CTNNBL1: variants seen among roughly 807,000 people sequenced by gnomAD.
CTNNBL1 encodes catenin beta like 1.
A neutral mutation model predicts 72.7 loss-of-function variants in CTNNBL1; 31 were observed. The observed-to-expected ratio is 0.43, with a 90% CI of 0.32 to 0.58. CTNNBL1 has a LOEUF of 0.58. Ranked by LOEUF, CTNNBL1 falls within the 20% of genes least tolerant of loss-of-function variation. CTNNBL1 has a pLI of 0.08. For missense variants in CTNNBL1, 534 were observed against 725.1 expected, an observed-to-expected ratio of 0.74 and a Z score of 3.03; for synonymous variants, 240 against 267.3, an observed-to-expected ratio of 0.90 and a Z score of 1.00.
At chr20:37,858,876 C>T (rs967930566) in intron 13 of CTNNBL1, among the ~76,000 whole-genome samples, 1 of 151,786 alleles carries the variant, frequency 6.6e-6, no homozygotes, top group African/African-American at 2.4e-5. Context: ...TGCAGCATGC[C>T]CTCTGACAAA....
At chr20:37,719,815 G>A (rs550367817) in intron 1 of CTNNBL1, among the ~76,000 whole-genome samples, 1 of 150,216 alleles carries the variant, frequency 6.7e-6, no homozygotes, top group Non-Finnish European at 1.5e-5. Context: ...TATACAACTT[G>A]TTTTTCTTTT....
At chr20:37,797,135 C>T (rs1205094187) in intron 10 of CTNNBL1, among the ~76,000 whole-genome samples, 3 of 151,970 alleles carry the variant, frequency 2.0e-5, no homozygotes, top group African/African-American at 7.3e-5. Flanking sequence ...TTTCTTTTTC[C>T]ACCCACCCCA....
chr20:37,746,383 G>A (rs1393028511), intron 3 of CTNNBL1, 85 bp from the exon 4 acceptor site: 4 of 1,444,934 alleles, frequency 2.8e-6, no homozygotes, highest in African/African-American at 2.8e-5. Context: ...TTGACAGATT[G>A]CCTTGTTGTC....
intron 5 of CTNNBL1, among the ~76,000 whole-genome samples, chr20:37,758,001 A>G (rs1352655356): frequency 6.6e-6 from 1 of 152,228 alleles, no homozygotes; most frequent in East Asian, 1.9e-4. Flanking sequence ...ATGGTCACAC[A>G]GCCAGGATTT....
intron 15 of CTNNBL1, among the ~76,000 whole-genome samples, chr20:37,863,195 C>T (rs987759232): frequency 4.6e-5 from 7 of 152,268 alleles, no homozygotes; most frequent in East Asian, 1.9e-4. Flanking sequence ...AGGTGTCACA[C>T]GGCAGCTGCC....
intron 11 of CTNNBL1, among the ~76,000 whole-genome samples, chr20:37,809,613 T>C (rs2071991706): frequency 6.6e-6 from 1 of 152,226 alleles, no homozygotes; most frequent in African/African-American, 2.4e-5. Context: ...GCCATTGTTA[T>C]TTGTTGTCCT....
chr20:37,743,876 CTTCT>C (rs2073239509), intron 3 of CTNNBL1, among the ~76,000 whole-genome samples: 1 of 151,838 alleles, frequency 6.6e-6, no homozygotes, highest in African/African-American at 2.4e-5. Flanking sequence ...TAAAATATAT[CTTCT>C]TTTAGCACAG....
chr20:37,841,103 G>A (rs2072300495), intron 12 of CTNNBL1, among the ~76,000 whole-genome samples: 1 of 152,230 alleles, frequency 6.6e-6, no homozygotes, highest in African/African-American at 2.4e-5. Context: ...TTTCATCGTT[G>A]CATATATTGT....
At chr20:37,718,033 C>T (rs562744549) in intron 1 of CTNNBL1, among the ~76,000 whole-genome samples, 54 of 152,302 alleles carry the variant, frequency 3.5e-4, no homozygotes, top group African/African-American at 1.3e-3. Context: ...AGCAACCATC[C>T]GATTTCTCAA....
At chr20:37,709,685 G>A (rs2072920926) in intron 1 of CTNNBL1, among the ~76,000 whole-genome samples, 1 of 152,194 alleles carries the variant, frequency 6.6e-6, no homozygotes, top group Admixed American at 6.5e-5. Flanking sequence ...AGGGAAGGTA[G>A]AGATGCCGAA....
At chr20:37,818,000 G>A (rs1187716117) in intron 11 of CTNNBL1, among the ~76,000 whole-genome samples, 1 of 152,188 alleles carries the variant, frequency 6.6e-6, no homozygotes, top group African/African-American at 2.4e-5. Context: ...AATGAGCTCA[G>A]GATTAAGCTT....
At chr20:37,754,267 G>GTATT (rs1208039357) in intron 4 of CTNNBL1, among the ~76,000 whole-genome samples, 2 of 141,022 alleles carry the variant, frequency 1.4e-5, no homozygotes, top group Non-Finnish European at 3.1e-5. Context: ...TCTTATTTAT[G>GTATT]TATTTATTTA....
chr20:37,840,210 G>C lies in CTNNBL1; in HGVS notation c.1311+11G>C. The C allele has an allele frequency of 1.3e-6, 2 of 1,590,532 alleles. No homozygotes were observed. The highest frequency in any genetic ancestry group is 1.7e-6 in the Non-Finnish European group (2 of 1,159,322). On this transcript the variant is annotated intron_variant, in intron 12 of 15. Transcript: ENST00000361383. Reference sequence around the variant, plus strand: ...AATGACAGTGAGAAGGTGGGTGACTGTTGGACTGTAAAGCTGGGACCGGGA... The same window carrying C: ...AATGACAGTGAGAAGGTGGGTGACTCTTGGACTGTAAAGCTGGGACCGGGA...
intron 4 of CTNNBL1, chr20:37,751,754 G>A (rs1333546213): frequency 6.6e-6 from 1 of 152,206 alleles, no homozygotes; most frequent in Non-Finnish European, 1.5e-5. Flanking sequence ...GCCCCCTAAG[G>A]GGCTTTCTTC....
chr20:37,763,190 T>G (rs2073434008), intron 5 of CTNNBL1, among the ~76,000 whole-genome samples: 1 of 152,226 alleles, frequency 6.6e-6, no homozygotes, highest in South Asian at 2.1e-4. Flanking sequence ...AAAAACATAC[T>G]GTGACATGGT....
intron 1 of CTNNBL1, among the ~76,000 whole-genome samples, chr20:37,697,663 T>C (rs2072805714): frequency 6.6e-6 from 1 of 152,232 alleles, no homozygotes; most frequent in East Asian, 1.9e-4. Flanking sequence ...CTTAGTCTGA[T>C]AAAGGGACTC....
intron 1 of CTNNBL1, among the ~76,000 whole-genome samples, chr20:37,716,404 C>T (rs555412749): frequency 2.6e-5 from 4 of 152,246 alleles, no homozygotes; most frequent in Admixed American, 2.6e-4. Flanking sequence ...TTTGATCATC[C>T]ACATGGCCAG....
intron 10 of CTNNBL1, among the ~76,000 whole-genome samples, chr20:37,795,135 A>ATTT (rs1298565017): frequency 1.5e-5 from 2 of 132,924 alleles, no homozygotes; most frequent in Non-Finnish European, 3.3e-5. Flanking sequence ...TTCAGTTATA[A>ATTT]TTTTTTTTTT....
chr20:37,732,453 T>TCCCC (rs2073137662), intron 1 of CTNNBL1, among the ~76,000 whole-genome samples: 2 of 152,340 alleles, frequency 1.3e-5, no homozygotes, highest in South Asian at 4.1e-4. Flanking sequence ...TAACCCAGTG[T>TCCCC]CCCCATCTTA....
Sources: gnomAD v4.1 joint callset for allele counts (sites outside exome capture counted in the v4.1 genomes callset) on GRCh38, gnomAD v4.1.1 for gene constraint, MANE v1.5 for transcripts, NCBI Gene and HGNC (gene_info 2026-07-23, HGNC 2026-07-21) for gene names.